Variants in CCDC61 observed in about 807,000 individuals in gnomAD.
CCDC61 encodes the protein coiled-coil domain containing 61, also known as centrosomal protein CCDC61.
A neutral mutation model predicts 63.0 loss-of-function variants in CCDC61; 55 were observed. The observed-to-expected ratio is 0.87, with a 90% CI of 0.70 to 1.09. The LOEUF (loss-of-function observed/expected upper bound fraction) is 1.09, where lower values mean the gene tolerates loss of function less well. Among genes scored for constraint, CCDC61 ranks in the 50% least tolerant of loss-of-function variants. The pLI is 0.00. For missense variants in CCDC61, 651 were observed against 731.4 expected, an observed-to-expected ratio of 0.89 and a Z score of 1.27; for synonymous variants, 270 against 317.0, an observed-to-expected ratio of 0.85 and a Z score of 1.58.
At position 46,012,416 on chromosome 19, in the gene CCDC61, C is replaced by T. The variant is rs978822741; in HGVS notation, c.552-2633C>T. 6.6e-5 allele frequency among the ~76,000 whole-genome samples: 10 copies of T among 152,284 alleles called. No individual in the cohort carries two copies. The South Asian group carries it at 8.3e-4, about 13-fold the overall frequency. On this transcript the variant is annotated intron_variant, in intron 5 of 13. Coordinates refer to ENST00000595358, the MANE Select transcript of CCDC61 (RefSeq NM_001267723.2). ...ATCCCAGCACTTTGGGAGGCCGAGG[C>T]GGGTGGAACACCTGAGGTCAGGAGT...
At chr19:46,004,835 CTT>C (rs748867869) in intron 3 of CCDC61, among the ~76,000 whole-genome samples, 5,966 of 94,682 alleles carry the variant, frequency 0.063, 80 homozygotes, top group East Asian at 0.1. Context: ...ATTTAGATAT[CTT>C]TTTTTTTTTT....
Position 46,018,233 on chromosome 19 carries a change from G to A in CCDC61, c.1442-57G>A. The A allele has an allele frequency of 3.9e-6, 6 of 1,547,788 alleles. No homozygotes were observed. The highest frequency in any genetic ancestry group is 1.9e-5 in the Admixed American group (1 of 51,314). On this transcript the variant is annotated intron_variant, in intron 13 of 13. Transcript: ENST00000595358. This position sits in a 1 kb window ranked among gnomAD's most constrained non-coding sequence, Gnocchi z 4.2. ...GCGGGCAGTGGTATATTGGGCCCAGGAACTCCCTGGGGCTTCAGGCCCCTC... is the reference window on the plus strand; with the variant it reads ...GCGGGCAGTGGTATATTGGGCCCAGAAACTCCCTGGGGCTTCAGGCCCCTC...
intron 1 of CCDC61, among the ~76,000 whole-genome samples, chr19:45,999,369 G>A (rs2146451550): frequency 6.6e-6 from 1 of 151,886 alleles, no homozygotes; most frequent in East Asian, 1.9e-4. Flanking sequence ...TGGTGGGGAG[G>A]TGAGGTCAGA....
intron 12 of CCDC61, among the ~76,000 whole-genome samples, chr19:46,017,845 G>A (rs1468468609): frequency 1.3e-5 from 2 of 152,098 alleles, no homozygotes; most frequent in Non-Finnish European, 2.9e-5. Flanking sequence ...TAGCCTCTCT[G>A]TACCTTAGTT....
At chr19:46,006,848 T>C in intron 4 of CCDC61, 132 bp downstream of exon 4, 2 of 826,880 alleles carry the variant, frequency 2.4e-6, no homozygotes, top group East Asian at 2.5e-5. Flanking sequence ...TCTTCCCTGT[T>C]GGGGTTTGTA....
intron 4 of CCDC61, among the ~76,000 whole-genome samples, chr19:46,006,947 G>A (rs1394147010): frequency 6.6e-6 from 1 of 152,138 alleles, no homozygotes; most frequent in Non-Finnish European, 1.5e-5. Flanking sequence ...AATACGTCAC[G>A]TAACAAGATG....
In CCDC61 at chr19:46,018,331, G is replaced by T; in HGVS notation, c.1483G>T (p.Asp495Tyr). Residue 495 changes from aspartate to tyrosine, a missense_variant, in exon 14 of 14, where the codon GAC becomes TAC. By Grantham distance (160) the Asp-to-Tyr change is radical (BLOSUM62 -3). Coordinates refer to ENST00000595358, the MANE Select transcript of CCDC61 (RefSeq NM_001267723.2). The surrounding 1 kb of genome is among the most constrained non-coding windows in gnomAD (Gnocchi z 4.2). ...EHQAADMAEI[D>Y]ARLKALQEYM... ...CCAGGCGGCTGACATGGCCGAAATA[G>T]ACGCACGCCTGAAGGCCTTGCAGGA... is the stretch of plus-strand genomic sequence containing the variant. 1 of 1,576,986 alleles carries T rather than the reference G, an allele frequency of 6.3e-7. No individual in the cohort carries two copies. Among genetic ancestry groups the T allele is most frequent in the South Asian group, 1.2e-5 (1 of 85,868 alleles).
intron 11 of CCDC61, 88 bp downstream of exon 11, chr19:46,017,157 A>G (rs1968960223): frequency 2.6e-6 from 4 of 1,536,946 alleles, no homozygotes; most frequent in Non-Finnish European, 3.5e-6. Flanking sequence ...TGGGTGATGG[A>G]GCCTGGGGGC....
rs780895662 is a variant in CCDC61 at position 46,016,221 on chromosome 19, C to G, written c.1013C>G (p.Thr338Arg). 1 of 1,499,370 alleles carries G rather than the reference C, an allele frequency of 6.7e-7. No individual in the cohort carries two copies. Among genetic ancestry groups the G allele is most frequent in the South Asian group, 1.3e-5 (1 of 77,244 alleles). The allele number at this position is 1,499,370 out of a possible 1,614,324, so 92.9% of individuals were successfully genotyped here. ...GRPARPSPSP[T>R]GGRALRFDPT... ...CCTGCGCGCCCCTCGCCCTCGCCCACAGGTCTGTGCCCCTGCCCTGCGGTA... is the reference window on the plus strand; with the variant it reads ...CCTGCGCGCCCCTCGCCCTCGCCCAGAGGTCTGTGCCCCTGCCCTGCGGTA... The change falls in exon 8 of 14, where the codon ACA becomes AGA. Residue 338 changes from threonine (T) to arginine (R), a missense_variant and splice_region_variant. Transcript: ENST00000595358. The surrounding 1 kb of genome is among the most constrained non-coding windows in gnomAD (Gnocchi z 7.2).
rs1600647224 is a variant in CCDC61 at position 46,008,092 on chromosome 19, T to G, written c.390-48T>G. The G allele has an allele frequency of 3.3e-6, 5 of 1,533,024 alleles. 1 individual carries two copies. Among genetic ancestry groups the G allele is most frequent in the South Asian group, 2.5e-5 (2 of 81,434 alleles). 95.0% of individuals were successfully genotyped at this position (1,533,024 alleles called of 1,614,324 possible). On this transcript the variant is annotated intron_variant, in intron 4 of 13. Transcript: ENST00000595358. ...TCAGAGGCTGCTGTTTACCCTCAGGTGCATTCTTGGCCTCTGAGATGCCAC... is the reference window on the plus strand; with the variant it reads ...TCAGAGGCTGCTGTTTACCCTCAGGGGCATTCTTGGCCTCTGAGATGCCAC...
chr19:46,014,942 G>A, intron 5 of CCDC61, 107 bp from the exon 6 acceptor site: 3 of 957,162 alleles, frequency 3.1e-6, no homozygotes, highest in East Asian at 3.6e-5. Context: ...CTGATGAGCC[G>A]TGTACCCCCT....
At chr19:46,013,521 T>C (rs930569734) in intron 5 of CCDC61, among the ~76,000 whole-genome samples, 2 of 152,190 alleles carry the variant, frequency 1.3e-5, no homozygotes, top group African/African-American at 4.8e-5. Context: ...ATTTATTTGC[T>C]TTATCTTAAA....
chr19:46,005,616 G>A lies in CCDC61; in HGVS notation c.232-943G>A, dbSNP rs147207683. Among the ~76,000 whole-genome samples the A allele has an allele frequency of 3.0e-3, 449 of 152,088 alleles. 4 individuals are homozygous for A. Among genetic ancestry groups the A allele is most frequent in the East Asian group, 0.013 (69 of 5,178 alleles). ...ACACCGAGAAGCTATCAGACACCCA[G>A]TGGAAGATACAAGTTTTCCAAAATT... On this transcript the variant is annotated intron_variant, in intron 3 of 13. Coordinates refer to ENST00000595358, the MANE Select transcript of CCDC61 (RefSeq NM_001267723.2).
intron 5 of CCDC61, among the ~76,000 whole-genome samples, chr19:46,010,765 C>T (rs371008625): frequency 5.3e-5 from 8 of 152,224 alleles, no homozygotes; most frequent in African/African-American, 1.9e-4. Flanking sequence ...GTTTGCCCAT[C>T]TTGTTTGATG....
intron 3 of CCDC61, among the ~76,000 whole-genome samples, chr19:46,005,974 T>G (rs1316576096): frequency 6.6e-6 from 1 of 152,184 alleles, no homozygotes; most frequent in Non-Finnish European, 1.5e-5. Flanking sequence ...GGGGCTGAAT[T>G]CAATAAAATT....
At chr19:45,995,605 T>A (rs1968477857) in intron 1 of CCDC61, 101 bp downstream of exon 1, 1 of 386,294 alleles carries the variant, frequency 2.6e-6, no homozygotes, top group African/African-American at 2.1e-5. Flanking sequence ...GGTGGGCAGC[T>A]GACCTGGCCT....
At chr19:46,012,571 C>A (rs1014721251) in intron 5 of CCDC61, among the ~76,000 whole-genome samples, 3 of 151,956 alleles carry the variant, frequency 2.0e-5, no homozygotes, top group African/African-American at 7.3e-5. Context: ...CACTTGAACC[C>A]AGGAGGCAGA....
chr19:46,003,825 G>A (rs1261099147), intron 3 of CCDC61, among the ~76,000 whole-genome samples: 11 of 19,524 alleles, frequency 5.6e-4, no homozygotes, highest in African/African-American at 2.8e-3. Context: ...AAATACGTGT[G>A]TGTGTGTGTG....
intron 3 of CCDC61, among the ~76,000 whole-genome samples, chr19:46,005,199 G>A (rs780871264): frequency 1.1e-4 from 17 of 151,898 alleles, no homozygotes; most frequent in Non-Finnish European, 2.2e-4. Context: ...TAGTAGAGAC[G>A]GGGTTTTGCC....
Sources: allele counts gnomAD v4.1 joint callset (sites outside exome capture counted in the v4.1 genomes callset), GRCh38; gene constraint gnomAD v4.1.1; non-coding constraint Gnocchi (gnomAD v3.1); transcripts MANE v1.5; gene names NCBI Gene and HGNC (gene_info 2026-07-23, HGNC 2026-07-21).